ACTA2: variants seen among roughly 807,000 people sequenced by gnomAD.
The protein encoded by ACTA2 is actin, aortic smooth muscle.
Under a neutral mutation model 39.5 loss-of-function variants are expected in ACTA2, and 12 were observed. The observed-to-expected ratio is 0.30, with a 90% confidence interval of 0.19 to 0.49. The LOEUF is 0.49. Among genes scored for constraint, ACTA2 ranks in the 20% least tolerant of loss-of-function variants. The pLI, the probability that ACTA2 is intolerant of heterozygous loss-of-function variation, is 0.99. For synonymous variants in ACTA2, 158 were observed against 180.6 expected (o/e 0.88, Z 1.00); for missense variants, 236 against 498.8 (o/e 0.47, Z 5.02).
chr10:88,983,282 G>A (rs1158896184), intron 1 of ACTA2, among the ~76,000 whole-genome samples: 1 of 152,136 alleles, frequency 6.6e-6, no homozygotes, highest in Non-Finnish European at 1.5e-5. Context: ...TTATCTCACT[G>A]TATTATGATC....
intron 8 of ACTA2, 51 bp downstream of exon 8, chr10:88,938,010 A>C (rs757713333): frequency 6.2e-7 from 1 of 1,604,760 alleles, no homozygotes; most frequent in East Asian, 2.2e-5. Flanking sequence ...CTGTGGTTAT[A>C]GGGCTGACAC....
intron 4 of ACTA2, among the ~76,000 whole-genome samples, chr10:88,942,582 G>C (rs1053432492): frequency 2.0e-5 from 3 of 152,164 alleles, no homozygotes; most frequent in Non-Finnish European, 2.9e-5. Context: ...AGTTGGTGCA[G>C]TCCAGGGACA....
At chr10:88,954,582 T>G (rs1410176577), upstream of ACTA2, among the ~76,000 whole-genome samples, 2 of 152,164 alleles carry the variant, frequency 1.3e-5, no homozygotes, top group African/African-American at 4.8e-5. Flanking sequence ...CTTTATGAAG[T>G]GACTGTTCAT....
Position 88,990,886 on chromosome 10 carries a change from A to G in ACTA2, c.-24+53T>C. 1 of 1,614,228 alleles carries G rather than the reference A, an allele frequency of 6.2e-7. No homozygotes were observed. Among genetic ancestry groups the G allele is most frequent in the African/African-American group, 1.3e-5 (1 of 75,078 alleles). Reference sequence around the variant, plus strand: ...GGATTGCTCAACAACCATGCTGGGCATCTGGACCCTCCTACCTCTGGTGAG... The same window carrying G: ...GGATTGCTCAACAACCATGCTGGGCGTCTGGACCCTCCTACCTCTGGTGAG... On this transcript the variant is annotated intron_variant, in intron 1 of 4. Transcript: ENST00000415557. This position sits in a 1 kb window ranked among gnomAD's most constrained non-coding sequence, Gnocchi z 4.9.
upstream of ACTA2, among the ~76,000 whole-genome samples, chr10:88,956,319 A>G (rs945780866): frequency 3.3e-5 from 5 of 152,046 alleles, no homozygotes; most frequent in Admixed American, 2.0e-4. Flanking sequence ...ATGTCTTTGT[A>G]TTTTCTAGTC....
Position 88,938,043 on chromosome 10 carries a change from T to C in ACTA2, c.990+18A>G. ...CACTGCTGGCGGCATTGCCACTGGG[T>C]CTGTCACTGAACAGTACCTTGATCT... On this transcript the variant is annotated intron_variant, in intron 8 of 8. Coordinates refer to ENST00000224784, the MANE Select transcript of ACTA2 (RefSeq NM_001613.4). The C allele has an allele frequency of 6.2e-7, 1 of 1,613,764 alleles. No individual in the cohort carries two copies. The highest frequency in any genetic ancestry group is 8.5e-7 in the Non-Finnish European group (1 of 1,179,830).
chr10:88,942,111 GT>G (rs1225337816), intron 4 of ACTA2, among the ~76,000 whole-genome samples: 2 of 152,176 alleles, frequency 1.3e-5, no homozygotes, highest in Non-Finnish European at 2.9e-5. Flanking sequence ...TGCACACAAG[GT>G]TTGGCCAGGG....
At chr10:88,978,903 A>T (rs1564660844) in intron 1 of ACTA2, among the ~76,000 whole-genome samples, 1 of 151,260 alleles carries the variant, frequency 6.6e-6, no homozygotes, top group Admixed American at 6.6e-5. Flanking sequence ...TATTATTATT[A>T]TATTATTATT....
intron 1 of ACTA2, among the ~76,000 whole-genome samples, chr10:88,962,195 A>C (rs1306342568): frequency 6.6e-6 from 1 of 152,172 alleles, no homozygotes; most frequent in Non-Finnish European, 1.5e-5. Flanking sequence ...AGAAGGTAGA[A>C]ATTGTAACCT....
At chr10:88,954,392 T>C (rs1200787051), upstream of ACTA2, among the ~76,000 whole-genome samples, 1 of 152,074 alleles carries the variant, frequency 6.6e-6, no homozygotes. Flanking sequence ...TGTTAAAATA[T>C]AAAATCTACA....
intron 1 of ACTA2, among the ~76,000 whole-genome samples, chr10:88,960,804 T>C (rs1452437189): frequency 6.6e-6 from 1 of 152,206 alleles, no homozygotes; most frequent in Non-Finnish European, 1.5e-5. Flanking sequence ...TTGTCACTAG[T>C]GGATTCCTTG....
At chr10:88,962,145 T>G (rs2133300067) in intron 1 of ACTA2, among the ~76,000 whole-genome samples, 1 of 152,330 alleles carries the variant, frequency 6.6e-6, no homozygotes, top group South Asian at 2.1e-4. Flanking sequence ...TCTGTTGTTG[T>G]AATGCTAGTT....
chr10:88,948,055 CA>C (rs1320666599), intron 2 of ACTA2, among the ~76,000 whole-genome samples: 2 of 152,108 alleles, frequency 1.3e-5, no homozygotes, highest in African/African-American at 2.4e-5. Context: ...TTTAGAACTA[CA>C]AAACAGCCAT....
At chr10:88,949,094 A>T in intron 1 of ACTA2, 141 bp from the exon 2 acceptor site, 1 of 722,742 alleles carries the variant, frequency 1.4e-6, no homozygotes, top group South Asian at 1.7e-5. Flanking sequence ...CTAATATAGC[A>T]TGTATCTGGA....
At chr10:88,960,559 G>A (rs1846209182) in intron 1 of ACTA2, among the ~76,000 whole-genome samples, 2 of 152,096 alleles carry the variant, frequency 1.3e-5, no homozygotes, top group African/African-American at 2.4e-5. Flanking sequence ...AAATCATAGC[G>A]ACCAAGAGGC....
chr10:88,975,947 G>T (rs1414373206), intron 1 of ACTA2, among the ~76,000 whole-genome samples: 1 of 151,992 alleles, frequency 6.6e-6, no homozygotes, highest in Non-Finnish European at 1.5e-5. Flanking sequence ...TCTTCATTTG[G>T]CTGACAAATT....
chr10:88,963,139 A>T (rs1320242796), intron 1 of ACTA2, among the ~76,000 whole-genome samples: 1 of 151,134 alleles, frequency 6.6e-6, no homozygotes, highest in African/African-American at 2.4e-5. Flanking sequence ...TGACATGGGG[A>T]TTATGGGAGC....
chr10:88,987,249 T>G (rs886957568), intron 1 of ACTA2, among the ~76,000 whole-genome samples: 1 of 152,250 alleles, frequency 6.6e-6, no homozygotes, highest in Non-Finnish European at 1.5e-5. Flanking sequence ...GAAACTAGAA[T>G]AGCTAATTTG....
chr10:88,991,010 G>C, exon 1 of ACTA2: 1 of 1,508,860 alleles, frequency 6.6e-7, no homozygotes, highest in Admixed American at 1.8e-5. Flanking sequence ...CGGCAGCGGC[G>C]CACGCGGGCA....
Sources: allele counts gnomAD v4.1 joint callset (sites outside exome capture counted in the v4.1 genomes callset), GRCh38; gene constraint gnomAD v4.1.1; non-coding constraint Gnocchi (gnomAD v3.1); transcripts MANE v1.5; gene names NCBI Gene and HGNC (gene_info 2026-07-23, HGNC 2026-07-21).